SORCS3: variants seen among roughly 807,000 people sequenced by gnomAD.
The protein encoded by SORCS3 is VPS10 domain-containing receptor SorCS3.
A neutral mutation model predicts 146.3 loss-of-function variants in SORCS3; 57 were observed. The ratio of observed to expected loss-of-function variants is 0.39; its 90% CI spans 0.31 to 0.49. SORCS3 has a LOEUF of 0.49. SORCS3 is among the 20% of genes least tolerant of loss of function. The pLI is 0.92. For synonymous variants in SORCS3, 653 were observed against 618.5 expected (o/e 1.06, Z -0.83); for missense variants, 1,341 against 1,575.5 (o/e 0.85, Z 2.52).
chr10:105,112,596 C>T (rs1261115629), intron 7 of SORCS3, among the ~76,000 whole-genome samples: 1 of 152,076 alleles, frequency 6.6e-6, no homozygotes, highest in Admixed American at 6.6e-5. Flanking sequence ...CCTGTTCCTG[C>T]CTACCAGTCT....
intron 1 of SORCS3, among the ~76,000 whole-genome samples, chr10:104,715,825 T>C (rs1313153624): frequency 6.6e-6 from 1 of 152,176 alleles, no homozygotes; most frequent in Non-Finnish European, 1.5e-5. Context: ...AGATCTATTC[T>C]CCCTGATTTC....
chr10:104,986,767 A>G (rs2133659096), intron 4 of SORCS3, among the ~76,000 whole-genome samples: 1 of 152,334 alleles, frequency 6.6e-6, no homozygotes, highest in African/African-American at 2.4e-5. Context: ...ATTAGGACAC[A>G]CATATTTATG....
chr10:105,158,743 G>A, intron 10 of SORCS3, 149 bp from the exon 11 acceptor site: 3 of 611,560 alleles, frequency 4.9e-6, no homozygotes, highest in Non-Finnish European at 8.8e-6. Context: ...TATCTCAGGT[G>A]CGGATATCTC....
At chr10:105,181,500 C>A (rs186561015) in intron 14 of SORCS3, among the ~76,000 whole-genome samples, 11 of 152,286 alleles carry the variant, frequency 7.2e-5, no homozygotes, top group Non-Finnish European at 1.3e-4. Flanking sequence ...TCACAATAAT[C>A]TGCCCAATTT....
At chr10:104,833,586 C>T (rs2018031973) in intron 1 of SORCS3, among the ~76,000 whole-genome samples, 1 of 152,144 alleles carries the variant, frequency 6.6e-6, no homozygotes, top group African/African-American at 2.4e-5. Context: ...TCATACAGGA[C>T]ACAAATATCC....
rs184904450 is a variant in SORCS3, at chr10:105,113,379, C to T, written c.1212+7864C>T. ...TGTACAGTATATGCATTTGAGAGTA[C>T]AGTTTAAATAATGAAAAACCTTGGT... On this transcript the variant is annotated intron_variant, in intron 7 of 26. Coordinates refer to ENST00000369701, the MANE Select transcript of SORCS3 (RefSeq NM_014978.3). Among the ~76,000 whole-genome samples, 367 of 152,204 alleles carry T rather than the reference C, an allele frequency of 2.4e-3. 1 individual carries two copies. Among genetic ancestry groups the T allele is most frequent in the Middle Eastern group, 0.01 (3 of 294 alleles).
At chr10:104,771,294 G>A (rs572324025) in intron 1 of SORCS3, among the ~76,000 whole-genome samples, 144 of 152,308 alleles carry the variant, frequency 9.5e-4, no homozygotes, top group Non-Finnish European at 1.8e-3. Context: ...CTCTTTTCCA[G>A]TTTCAAGATT....
At chr10:105,065,284 G>A (rs2055515582) in intron 5 of SORCS3, among the ~76,000 whole-genome samples, 1 of 152,152 alleles carries the variant, frequency 6.6e-6, no homozygotes, top group African/African-American at 2.4e-5. Flanking sequence ...TCAGGAAACT[G>A]GGTGCTGGTT....
chr10:104,870,990 A>G (rs1224312355), intron 2 of SORCS3, among the ~76,000 whole-genome samples: 3 of 152,174 alleles, frequency 2.0e-5, no homozygotes, highest in African/African-American at 7.2e-5. Context: ...GAGTGAGCAG[A>G]AAGCACAGTG....
chr10:105,166,724 C>A (rs372195386), intron 12 of SORCS3, among the ~76,000 whole-genome samples: 42 of 152,274 alleles, frequency 2.8e-4, no homozygotes, highest in South Asian at 1.5e-3. Flanking sequence ...AGACACCCAA[C>A]ATGGGTCTTC....
chr10:104,912,130 T>A (rs1349879226), intron 2 of SORCS3, among the ~76,000 whole-genome samples: 1 of 152,226 alleles, frequency 6.6e-6, no homozygotes, highest in African/African-American at 2.4e-5. Flanking sequence ...GAATAAAGTT[T>A]ACTTAATCAT....
chr10:105,185,416 C>T lies in SORCS3; in HGVS notation c.2009+7243C>T, dbSNP rs550592899. Among the ~76,000 whole-genome samples, 52 of 152,278 alleles carry T rather than the reference C, an allele frequency of 3.4e-4. 1 individual carries two copies. The highest frequency in any genetic ancestry group is 3.1e-3 in the Admixed American group (47 of 15,286). ...GAAGCTGCATGGCAACTGCCCACTT[C>T]GGACAGGGTATGCTGTTTCTGCCCC... On this transcript the variant is annotated intron_variant, in intron 14 of 26. Transcript: ENST00000369701.
chr10:104,935,221 G>C (rs1225754187), intron 3 of SORCS3, among the ~76,000 whole-genome samples: 3 of 152,208 alleles, frequency 2.0e-5, no homozygotes, highest in African/African-American at 7.2e-5. Context: ...TCACTAGGAA[G>C]CTGATGACCT....
chr10:105,233,227 T>C (rs1385261259), intron 20 of SORCS3, among the ~76,000 whole-genome samples: 6 of 152,120 alleles, frequency 3.9e-5, no homozygotes, highest in African/African-American at 1.4e-4. Flanking sequence ...GAGAGTGGCT[T>C]TTAGTAAAAA....
intron 1 of SORCS3, among the ~76,000 whole-genome samples, chr10:104,813,872 G>A (rs1012536144): frequency 6.6e-6 from 1 of 151,082 alleles, no homozygotes; most frequent in Non-Finnish European, 1.5e-5. Flanking sequence ...GTTTCTCTGG[G>A]CAAAGAAAAA....
chr10:105,203,357 A>G (rs776032744), intron 16 of SORCS3, among the ~76,000 whole-genome samples: 9 of 152,216 alleles, frequency 5.9e-5, no homozygotes, highest in Non-Finnish European at 7.3e-5. Flanking sequence ...AGTCACAGCA[A>G]TGAGTGCAGT....
Position 104,781,585 on chromosome 10 carries a change from C to T in SORCS3, c.628-61207C>T, listed in dbSNP as rs190170300. On this transcript the variant is annotated intron_variant, in intron 1 of 26. Coordinates refer to ENST00000369701, the MANE Select transcript of SORCS3 (RefSeq NM_014978.3). ...GAGAAAACACACACAAATATGTGTA[C>T]ACACACACACTTTTCAAGAAACAAA... Among the ~76,000 whole-genome samples the T allele has an allele frequency of 1.5e-4, 23 of 152,204 alleles. No individual in the cohort carries two copies. The Middle Eastern group carries it at 0.024, about 158-fold the overall frequency.
chr10:104,915,077 C>G (rs1001050000), intron 2 of SORCS3, among the ~76,000 whole-genome samples: 12 of 152,050 alleles, frequency 7.9e-5, no homozygotes, highest in Admixed American at 6.5e-4. Flanking sequence ...TTGGCACCCT[C>G]TCTCCCTCCT....
chr10:104,661,961 G>A (rs1297715158), intron 1 of SORCS3, among the ~76,000 whole-genome samples: 1 of 152,192 alleles, frequency 6.6e-6, no homozygotes, highest in Non-Finnish European at 1.5e-5. Context: ...TGTGCCGGGT[G>A]CCAGTTTTGG....
Sources: allele counts gnomAD v4.1 joint callset (sites outside exome capture counted in the v4.1 genomes callset), GRCh38; gene constraint gnomAD v4.1.1; transcripts MANE v1.5; gene names NCBI Gene and HGNC (gene_info 2026-07-23, HGNC 2026-07-21).